PLXDC2: variants seen among roughly 807,000 people sequenced by gnomAD.
PLXDC2 encodes the protein plexin domain-containing protein 2.
PLXDC2 carries 40 observed loss-of-function variants against 68.9 expected under a neutral mutation model. That is an observed-to-expected ratio of 0.58 (90% confidence interval 0.45 to 0.76). The LOEUF (loss-of-function observed/expected upper bound fraction) is 0.76, where lower values mean the gene tolerates loss of function less well. Among genes scored for constraint, PLXDC2 ranks in the 30% least tolerant of loss-of-function variants. The pLI, the probability that PLXDC2 is intolerant of heterozygous loss-of-function variation, is 0.00. For synonymous variants in PLXDC2, 243 were observed against 234.2 expected, an observed-to-expected ratio of 1.04 and a Z score of -0.34; for missense variants, 644 against 661.9, an observed-to-expected ratio of 0.97 and a Z score of 0.30.
intron 12 of PLXDC2, among the ~76,000 whole-genome samples, chr10:20,240,057 T>G (rs1027123719): frequency 1.1e-4 from 16 of 152,134 alleles, no homozygotes; most frequent in African/African-American, 3.9e-4. Flanking sequence ...CAATAGGTAG[T>G]TTTTTAATCC....
chr10:20,017,528 A>T (rs555130155), intron 2 of PLXDC2, among the ~76,000 whole-genome samples: 1 of 152,282 alleles, frequency 6.6e-6, no homozygotes, highest in South Asian at 2.1e-4. Context: ...AAGAAACCGA[A>T]TTCCAGTTTT....
At chr10:20,018,714 T>C (rs569545071) in intron 2 of PLXDC2, among the ~76,000 whole-genome samples, 207 of 152,340 alleles carry the variant, frequency 1.4e-3, no homozygotes, top group Admixed American at 2.3e-3. Context: ...TTTTCTTCTT[T>C]TTTTTTAATA....
intron 2 of PLXDC2, among the ~76,000 whole-genome samples, chr10:20,025,763 T>C (rs547960095): frequency 6.6e-6 from 1 of 152,270 alleles, no homozygotes; most frequent in African/African-American, 2.4e-5. Flanking sequence ...TATTCAACAG[T>C]AAGTTCCTTA....
chr10:19,987,593 G>A (rs887582781), intron 1 of PLXDC2, among the ~76,000 whole-genome samples: 23 of 150,320 alleles, frequency 1.5e-4, no homozygotes, highest in Non-Finnish European at 2.5e-4. Flanking sequence ...GCGGAATCTC[G>A]TTCTGTCACC....
At chr10:20,099,940 A>G (rs1054822603) in intron 4 of PLXDC2, among the ~76,000 whole-genome samples, 2 of 152,210 alleles carry the variant, frequency 1.3e-5, no homozygotes, top group Admixed American at 1.3e-4. Context: ...ACAAACCAGT[A>G]TGTATTAGTG....
intron 1 of PLXDC2, among the ~76,000 whole-genome samples, chr10:19,958,236 A>C (rs1834102432): frequency 6.6e-6 from 1 of 152,078 alleles, no homozygotes; most frequent in Admixed American, 6.6e-5. Context: ...TATAGCAGTG[A>C]GGTACCTGTT....
chr10:19,844,066 A>C (rs1836955235), intron 1 of PLXDC2, among the ~76,000 whole-genome samples: 1 of 152,212 alleles, frequency 6.6e-6, no homozygotes, highest in Non-Finnish European at 1.5e-5. Flanking sequence ...TTATGTATCT[A>C]AATAAATAAA....
chr10:20,175,544 G>A (rs1834514908), intron 7 of PLXDC2, among the ~76,000 whole-genome samples: 1 of 152,070 alleles, frequency 6.6e-6, no homozygotes, highest in African/African-American at 2.4e-5. Context: ...AAATTAACTA[G>A]GCATGGGGGT....
intron 1 of PLXDC2, among the ~76,000 whole-genome samples, chr10:19,929,973 G>A (rs1296189518): frequency 1.3e-5 from 2 of 152,060 alleles, no homozygotes; most frequent in African/African-American, 4.8e-5. Context: ...TTTCTCCTCC[G>A]TCCTGGAGGA....
At chr10:20,029,042 C>T (rs1213072799) in intron 2 of PLXDC2, among the ~76,000 whole-genome samples, 1 of 152,112 alleles carries the variant, frequency 6.6e-6, no homozygotes, top group Non-Finnish European at 1.5e-5. Flanking sequence ...TGATTTCTGC[C>T]CTTTTTCCTA....
intron 9 of PLXDC2, among the ~76,000 whole-genome samples, chr10:20,205,445 C>G (rs1270399857): frequency 1.3e-5 from 2 of 152,024 alleles, no homozygotes; most frequent in Non-Finnish European, 2.9e-5. Context: ...CATGTAATTT[C>G]TGTCCATTTT....
intron 13 of PLXDC2, among the ~76,000 whole-genome samples, chr10:20,259,944 A>C (rs1045092706): frequency 6.6e-6 from 1 of 152,188 alleles, no homozygotes; most frequent in East Asian, 1.9e-4. Flanking sequence ...AAAAAGGAAG[A>C]AGATTCCTAT....
intron 4 of PLXDC2, among the ~76,000 whole-genome samples, chr10:20,096,867 G>C (rs1168467168): frequency 6.6e-6 from 1 of 151,954 alleles, no homozygotes; most frequent in Non-Finnish European, 1.5e-5. Flanking sequence ...TATAAGTATT[G>C]AGCAAACAAC....
intron 1 of PLXDC2, among the ~76,000 whole-genome samples, chr10:19,979,066 C>T (rs1401190973): frequency 6.6e-6 from 1 of 152,174 alleles, no homozygotes; most frequent in Non-Finnish European, 1.5e-5. Flanking sequence ...TGAAGATTCT[C>T]AGTCCATGTT....
chr10:19,877,071 C>T (rs561777930), intron 1 of PLXDC2, among the ~76,000 whole-genome samples: 35 of 152,070 alleles, frequency 2.3e-4, no homozygotes, highest in African/African-American at 7.5e-4. Context: ...TGCATTTCAC[C>T]GAATATAAAT....
At chr10:19,837,169 A>G (rs925428800) in intron 1 of PLXDC2, among the ~76,000 whole-genome samples, 3 of 151,934 alleles carry the variant, frequency 2.0e-5, no homozygotes, top group Non-Finnish European at 2.9e-5. Flanking sequence ...GATTGTAATC[A>G]CCTGTAACAT....
intron 1 of PLXDC2, among the ~76,000 whole-genome samples, chr10:19,831,797 G>A (rs1292804559): frequency 6.6e-6 from 1 of 152,092 alleles, no homozygotes; most frequent in African/African-American, 2.4e-5. Context: ...CTAGTGTATA[G>A]GTATCATATT....
At chr10:20,101,011 T>G (rs1833415104) in intron 4 of PLXDC2, among the ~76,000 whole-genome samples, 1 of 152,210 alleles carries the variant, frequency 6.6e-6, no homozygotes, top group South Asian at 2.1e-4. Context: ...TTACTAAGAT[T>G]TCAAGCCATT....
chr10:20,146,661 T>C (rs913537797), intron 5 of PLXDC2, among the ~76,000 whole-genome samples: 1 of 152,094 alleles, frequency 6.6e-6, no homozygotes, highest in African/African-American at 2.4e-5. Flanking sequence ...TTTTTTTCTT[T>C]TTTACTTTTA....
Sources: gnomAD v4.1 joint callset for allele counts (sites outside exome capture counted in the v4.1 genomes callset) on GRCh38, gnomAD v4.1.1 for gene constraint, MANE v1.5 for transcripts, NCBI Gene and HGNC (gene_info 2026-07-23, HGNC 2026-07-21) for gene names.